CCDC171: variants seen among roughly 807,000 people sequenced by gnomAD.
CCDC171 encodes coiled-coil domain containing 171, also known as coiled-coil domain-containing protein 171.
Under a neutral mutation model 168.2 loss-of-function variants are expected in CCDC171, and 177 were observed. The observed-to-expected ratio is 1.05, with a 90% CI of 0.93 to 1.19. The LOEUF (loss-of-function observed/expected upper bound fraction) is 1.19, where lower values mean the gene tolerates loss of function less well. Among genes scored for constraint, CCDC171 ranks in the 50% most tolerant of loss-of-function variants. The pLI is 0.00. For synonymous variants in CCDC171, 687 were observed against 540.8 expected, an observed-to-expected ratio of 1.27 and a Z score of -3.75; for missense variants, 1,991 against 1,539.0, an observed-to-expected ratio of 1.29 and a Z score of -4.91.
chr9:15,912,730 G>A (rs1823888475), intron 24 of CCDC171, among the ~76,000 whole-genome samples: 1 of 152,156 alleles, frequency 6.6e-6, no homozygotes, highest in African/African-American at 2.4e-5. Context: ...CTAGTTTATT[G>A]AGTGTTTTTA....
At chr9:15,813,493 A>G (rs1201479539) in intron 21 of CCDC171, among the ~76,000 whole-genome samples, 1 of 152,158 alleles carries the variant, frequency 6.6e-6, no homozygotes, top group Admixed American at 6.5e-5. Flanking sequence ...ATATAAGGGT[A>G]AAGCTCCCTT....
chr9:15,953,538 T>C (rs1038579232), intron 25 of CCDC171, among the ~76,000 whole-genome samples: 7 of 152,174 alleles, frequency 4.6e-5, no homozygotes, highest in Admixed American at 2.6e-4. Context: ...CACTTAGTTA[T>C]GGTGTTTGGT....
intron 7 of CCDC171, among the ~76,000 whole-genome samples, chr9:15,633,617 G>A (rs186513930): frequency 2.6e-5 from 4 of 152,286 alleles, no homozygotes; most frequent in East Asian, 3.9e-4. Context: ...TCAGTGTGGC[G>A]ATTCCTCAGG....
intron 23 of CCDC171, among the ~76,000 whole-genome samples, chr9:15,855,817 C>T (rs1188778470): frequency 4.6e-5 from 7 of 151,856 alleles, no homozygotes; most frequent in African/African-American, 7.2e-5. Context: ...AAATTTTGCT[C>T]TTAAATAGCT....
chr9:15,635,791 T>C (rs2046156313), intron 7 of CCDC171, among the ~76,000 whole-genome samples: 1 of 152,206 alleles, frequency 6.6e-6, no homozygotes, highest in Non-Finnish European at 1.5e-5. Context: ...TTTTCAGTTG[T>C]CTTTATGATA....
At chr9:15,825,623 T>C (rs1438715309) in intron 21 of CCDC171, among the ~76,000 whole-genome samples, 4 of 152,160 alleles carry the variant, frequency 2.6e-5, no homozygotes, top group Non-Finnish European at 2.9e-5. Context: ...ATTGCCCAAC[T>C]TCATTACCCT....
chr9:15,633,958 G>A (rs2045980041), intron 7 of CCDC171, among the ~76,000 whole-genome samples: 1 of 152,014 alleles, frequency 6.6e-6, no homozygotes, highest in African/African-American at 2.4e-5. Flanking sequence ...CTCACTCATA[G>A]GTGGGAATTG....
chr9:15,882,131 T>G (rs1818732461), intron 24 of CCDC171, among the ~76,000 whole-genome samples: 4 of 152,228 alleles, frequency 2.6e-5, no homozygotes, highest in Admixed American at 2.6e-4. Context: ...TAATATAAAT[T>G]TTAACCGGGG....
intron 24 of CCDC171, among the ~76,000 whole-genome samples, chr9:15,880,432 A>G (rs1220165278): frequency 6.6e-6 from 1 of 150,834 alleles, no homozygotes; most frequent in Non-Finnish European, 1.5e-5. Flanking sequence ...GCTAATGAAC[A>G]TATCTGTCAC....
intron 7 of CCDC171, among the ~76,000 whole-genome samples, chr9:15,625,682 G>A (rs1270647995): frequency 6.6e-6 from 1 of 152,188 alleles, no homozygotes; most frequent in African/African-American, 2.4e-5. Context: ...CTATATCTCT[G>A]TTTTGGTAGC....
intron 24 of CCDC171, among the ~76,000 whole-genome samples, chr9:15,915,589 A>G (rs576596635): frequency 2.0e-5 from 3 of 152,288 alleles, no homozygotes; most frequent in South Asian, 2.1e-4. Context: ...CTGTTTGCCA[A>G]TTATGATACC....
At chr9:15,782,588 T>C (rs543589888) in intron 20 of CCDC171, among the ~76,000 whole-genome samples, 3 of 152,274 alleles carry the variant, frequency 2.0e-5, no homozygotes, top group African/African-American at 7.2e-5. Context: ...TTTATTCACT[T>C]GATGGTCAAG....
chr9:15,660,747 T>G (rs778958636), intron 8 of CCDC171, among the ~76,000 whole-genome samples: 2 of 152,228 alleles, frequency 1.3e-5, no homozygotes, highest in Non-Finnish European at 2.9e-5. Flanking sequence ...CTGTGTTGAT[T>G]CCATGTCTTT....
At chr9:15,558,138 G>A (rs913616687) in intron 1 of CCDC171, among the ~76,000 whole-genome samples, 1 of 151,876 alleles carries the variant, frequency 6.6e-6, no homozygotes, top group African/African-American at 2.4e-5. Context: ...GATTTGGTTT[G>A]CCAGTATTTT....
rs377285421 is a variant in CCDC171 at position 16,019,480 on chromosome 9, C to T, written n.369-1109C>T. Among the ~76,000 whole-genome samples, 6 of 152,084 alleles carry T rather than the reference C, an allele frequency of 3.9e-5. No homozygotes were observed. The East Asian group carries it at 1.2e-3, about 29-fold the overall frequency. ...CCAGACTTTGGATGTTTATAAAAACCATTGTTTCTTGTTTTCCCATAGGCA... is the reference window on the plus strand; with the variant it reads ...CCAGACTTTGGATGTTTATAAAAACTATTGTTTCTTGTTTTCCCATAGGCA... On this transcript the variant is annotated intron_variant and non_coding_transcript_variant, in intron 3 of 9. Coordinates refer to the CCDC171 transcript ENST00000486641.
intron 10 of CCDC171, among the ~76,000 whole-genome samples, chr9:15,681,138 G>T (rs1227818528): frequency 2.0e-5 from 3 of 152,068 alleles, no homozygotes; most frequent in Admixed American, 2.0e-4. Flanking sequence ...TTTCCTGTTG[G>T]GACCGTCTGC....
At chr9:16,030,316 C>G (rs922541701) in intron 6 of CCDC171, among the ~76,000 whole-genome samples, 1 of 151,992 alleles carries the variant, frequency 6.6e-6, no homozygotes, top group Admixed American at 6.6e-5. Context: ...TTCATTATAC[C>G]TCTGTGTGTT....
chr9:15,758,117 A>G (rs932664663), intron 18 of CCDC171, among the ~76,000 whole-genome samples: 2 of 152,170 alleles, frequency 1.3e-5, no homozygotes, highest in African/African-American at 2.4e-5. Flanking sequence ...AGACCCCAGA[A>G]TGGTAGATCC....
chr9:15,976,911 T>C (rs1309693666), downstream of CCDC171, among the ~76,000 whole-genome samples: 2 of 152,122 alleles, frequency 1.3e-5, no homozygotes, highest in African/African-American at 4.8e-5. Context: ...TTGAAATGAC[T>C]AAGTGTTAAA....
Sources: gnomAD v4.1 joint callset for allele counts (sites outside exome capture counted in the v4.1 genomes callset) on GRCh38, gnomAD v4.1.1 for gene constraint, MANE v1.5 for transcripts, NCBI Gene and HGNC (gene_info 2026-07-23, HGNC 2026-07-21) for gene names.